NCKAP5: variants seen among roughly 807,000 people sequenced by gnomAD.
NCKAP5 encodes nck-associated protein 5.
Under a neutral mutation model 167.0 loss-of-function variants are expected in NCKAP5, and 92 were observed. That is an observed-to-expected ratio of 0.55 (90% CI 0.47 to 0.66). The LOEUF is 0.66. Ranked by LOEUF, NCKAP5 falls within the 30% of genes least tolerant of loss-of-function variation. The probability of loss-of-function intolerance (pLI) is 0.00; values close to 1 mark genes in which losing one functional copy is unlikely to be tolerated. For missense variants in NCKAP5, 2,378 were observed against 2,315.0 expected (o/e 1.03, Z -0.56); for synonymous variants, 891 against 877.4 (o/e 1.02, Z -0.27).
intron 2 of NCKAP5, among the ~76,000 whole-genome samples, chr2:133,534,383 A>G (rs1156546893): frequency 1.3e-5 from 2 of 152,200 alleles, no homozygotes; most frequent in Non-Finnish European, 2.9e-5. Flanking sequence ...TGTACACTTT[A>G]TTGGTTTTTA....
intron 3 of NCKAP5, among the ~76,000 whole-genome samples, chr2:133,428,549 A>C (rs1006111133): frequency 1.5e-4 from 23 of 152,182 alleles, no homozygotes. Flanking sequence ...CAATATATTA[A>C]ATTACTTTTA....
intron 7 of NCKAP5, among the ~76,000 whole-genome samples, chr2:132,967,250 A>G (rs2076701325): frequency 6.6e-6 from 1 of 151,976 alleles, no homozygotes; most frequent in Non-Finnish European, 1.5e-5. Context: ...ACAGTGCCCA[A>G]GTATTATGAT....
At chr2:133,606,617 G>A in the NCKAP5 span, among the ~76,000 whole-genome samples, 122 of 152,142 alleles carry the variant, frequency 8.0e-4, no homozygotes, top group African/African-American at 2.9e-3. Flanking sequence ...CTGGAGAACT[G>A]GGCTCATAGA....
chr2:132,877,280 G>A (rs1164300784), intron 9 of NCKAP5, among the ~76,000 whole-genome samples: 1 of 152,188 alleles, frequency 6.6e-6, no homozygotes, highest in Non-Finnish European at 1.5e-5. Context: ...GCAGAGAATT[G>A]CAAATACCAT....
chr2:133,514,353 T>C (rs1432049848), intron 3 of NCKAP5, among the ~76,000 whole-genome samples: 2 of 152,214 alleles, frequency 1.3e-5, no homozygotes, highest in African/African-American at 4.8e-5. Context: ...TGTATATGTG[T>C]GCACACACAT....
At chr2:133,371,275 C>T (rs978189532) in intron 3 of NCKAP5, among the ~76,000 whole-genome samples, 1 of 152,096 alleles carries the variant, frequency 6.6e-6, no homozygotes, top group Non-Finnish European at 1.5e-5. Context: ...TCTTTTAAGC[C>T]ATCATTTAGA....
chr2:133,009,839 G>A (rs1454637047), intron 6 of NCKAP5, among the ~76,000 whole-genome samples: 2 of 152,118 alleles, frequency 1.3e-5, no homozygotes, highest in East Asian at 1.9e-4. Context: ...GGAGGCCGAG[G>A]TGGGTGGATC....
chr2:133,368,550 G>A (rs1205043787), intron 3 of NCKAP5, among the ~76,000 whole-genome samples: 3 of 152,174 alleles, frequency 2.0e-5, no homozygotes, highest in Non-Finnish European at 4.4e-5. Flanking sequence ...GGGACCAAGT[G>A]ATTCACCTAA....
At chr2:133,661,136 T>C in the NCKAP5 span, among the ~76,000 whole-genome samples, 1 of 152,086 alleles carries the variant, frequency 6.6e-6, no homozygotes, top group East Asian at 1.9e-4. Flanking sequence ...TTAGAGCAAG[T>C]GTGAGAAATG....
At chr2:133,210,596 A>T (rs1157154727) in intron 5 of NCKAP5, among the ~76,000 whole-genome samples, 1 of 152,214 alleles carries the variant, frequency 6.6e-6, no homozygotes, top group Non-Finnish European at 1.5e-5. Context: ...TTAAAGGATT[A>T]ATAGAACAGC....
chr2:133,201,391 G>A (rs1399847732), intron 5 of NCKAP5, among the ~76,000 whole-genome samples: 1 of 152,126 alleles, frequency 6.6e-6, no homozygotes, highest in Non-Finnish European at 1.5e-5. Context: ...ACTGACTACT[G>A]TACCAAGACA....
chr2:132,780,813 A>G (rs1055816216), intron 15 of NCKAP5, among the ~76,000 whole-genome samples: 1 of 152,204 alleles, frequency 6.6e-6, no homozygotes, highest in Non-Finnish European at 1.5e-5. Context: ...AACGTTCTGA[A>G]AACAGCTGGG....
intron 5 of NCKAP5, among the ~76,000 whole-genome samples, chr2:133,201,914 T>C (rs965815995): frequency 1.3e-5 from 2 of 152,166 alleles, no homozygotes; most frequent in Non-Finnish European, 2.9e-5. Flanking sequence ...GAACATTCCA[T>C]GCTCATGGAT....
intron 3 of NCKAP5, among the ~76,000 whole-genome samples, chr2:133,355,936 G>GT (rs5834354): frequency 0.22 from 33,613 of 150,570 alleles, 3,765 homozygotes; most frequent in Admixed American, 0.23. Flanking sequence ...TTTGTTTTCT[G>GT]TTTTTTTTTG....
intron 6 of NCKAP5, among the ~76,000 whole-genome samples, chr2:133,084,919 G>A (rs943733351): frequency 3.3e-5 from 5 of 152,118 alleles, no homozygotes; most frequent in Non-Finnish European, 5.9e-5. Context: ...ATATGATCTT[G>A]CTGATTACAA....
chr2:133,163,575 T>C (rs1479718479), intron 5 of NCKAP5, among the ~76,000 whole-genome samples: 5 of 152,192 alleles, frequency 3.3e-5, no homozygotes, highest in Admixed American at 6.5e-5. Context: ...TAAAAACCTT[T>C]TGGTATTGGA....
intron 3 of NCKAP5, among the ~76,000 whole-genome samples, chr2:133,378,996 G>T (rs1156329552): frequency 6.6e-6 from 1 of 152,150 alleles, no homozygotes; most frequent in East Asian, 1.9e-4. Context: ...TGCCACAGAA[G>T]AATAAATCCT....
intron 2 of NCKAP5, among the ~76,000 whole-genome samples, chr2:133,540,235 A>G (rs2104880291): frequency 6.6e-6 from 1 of 152,316 alleles, no homozygotes; most frequent in East Asian, 1.9e-4. Context: ...TACTATTAAA[A>G]CCATAAAAAC....
intron 3 of NCKAP5, among the ~76,000 whole-genome samples, chr2:133,378,372 GC>G (rs1157776896): frequency 1.3e-5 from 2 of 151,992 alleles, no homozygotes; most frequent in Non-Finnish European, 2.9e-5. Flanking sequence ...TTTTTTTCCT[GC>G]CTTTTAGATA....
Sources: allele counts gnomAD v4.1 joint callset (sites outside exome capture counted in the v4.1 genomes callset), GRCh38; gene constraint gnomAD v4.1.1; transcripts MANE v1.5; gene names NCBI Gene and HGNC (gene_info 2026-07-23, HGNC 2026-07-21).